Variants in USP32 observed in about 807,000 individuals in gnomAD.
USP32 encodes ubiquitin carboxyl-terminal hydrolase 32.
Under a neutral mutation model 204.8 loss-of-function variants are expected in USP32, and 59 were observed. The ratio of observed to expected loss-of-function variants is 0.29; its 90% CI spans 0.23 to 0.36. The LOEUF (loss-of-function observed/expected upper bound fraction) is 0.36. USP32 is among the 10% of genes least tolerant of loss of function. The probability of loss-of-function intolerance (pLI) is 1.00; values close to 1 mark genes in which losing one functional copy is unlikely to be tolerated. For synonymous variants in USP32, 517 were observed against 678.4 expected, an observed-to-expected ratio of 0.76 and a Z score of 3.70; for missense variants, 1,160 against 1,946.4, an observed-to-expected ratio of 0.60 and a Z score of 7.60.
At chr17:60,298,629 C>T (rs921617419) in intron 3 of USP32, among the ~76,000 whole-genome samples, 1 of 152,142 alleles carries the variant, frequency 6.6e-6, no homozygotes, top group East Asian at 1.9e-4. Context: ...ACTAGGATTA[C>T]AGGCATGCAC....
intron 2 of USP32, among the ~76,000 whole-genome samples, chr17:60,339,675 C>T (rs948135656): frequency 3.3e-5 from 5 of 151,566 alleles, no homozygotes; most frequent in African/African-American, 9.7e-5. Flanking sequence ...AGTAAGTCTT[C>T]GGAAGTAAAA....
At chr17:60,323,824 T>C (rs1598245314) in intron 2 of USP32, among the ~76,000 whole-genome samples, 2 of 152,206 alleles carry the variant, frequency 1.3e-5, no homozygotes, top group East Asian at 1.9e-4. Flanking sequence ...TGTGAAGTAT[T>C]ATATGCTTTA....
chr17:60,209,997 AAT>A (rs1369020447), intron 21 of USP32, among the ~76,000 whole-genome samples: 29 of 152,018 alleles, frequency 1.9e-4, no homozygotes, highest in African/African-American at 6.5e-4. Flanking sequence ...TGTATAAAAT[AAT>A]ATGTGTATAC....
chr17:60,195,847 C>T (rs767645771), intron 27 of USP32, among the ~76,000 whole-genome samples: 43 of 152,064 alleles, frequency 2.8e-4, no homozygotes, highest in Non-Finnish European at 5.1e-4. Context: ...AGTGAATTTC[C>T]CACTTGAATA....
At chr17:60,398,294 C>T (rs1393925699) in intron 1 of USP32, among the ~76,000 whole-genome samples, 2 of 152,048 alleles carry the variant, frequency 1.3e-5, no homozygotes, top group Non-Finnish European at 2.9e-5. Flanking sequence ...TACTCAGGAA[C>T]CTGAGGTGGG....
At chr17:60,207,994 A>G (rs946559026) in intron 24 of USP32, 65 bp downstream of exon 24, 31 of 1,509,776 alleles carry the variant, frequency 2.1e-5, no homozygotes, top group Non-Finnish European at 2.6e-5. Flanking sequence ...ATTGATCATA[A>G]TAATTGAGAA....
chr17:60,208,498 C>T (rs1273586262), intron 23 of USP32, among the ~76,000 whole-genome samples, 156 bp downstream of exon 23: 1 of 152,174 alleles, frequency 6.6e-6, no homozygotes, highest in Non-Finnish European at 1.5e-5. Flanking sequence ...CTACATCTTT[C>T]AAACCTCAAG....
At chr17:60,300,302 G>A (rs893037068) in intron 3 of USP32, among the ~76,000 whole-genome samples, 12 of 152,130 alleles carry the variant, frequency 7.9e-5, no homozygotes, top group Non-Finnish European at 1.5e-4. Context: ...AAAAGAATGA[G>A]GGGACAGAAG....
intron 2 of USP32, among the ~76,000 whole-genome samples, chr17:60,327,871 G>C (rs557431710): frequency 3.9e-4 from 59 of 152,368 alleles, no homozygotes; most frequent in Admixed American, 1.4e-3. Flanking sequence ...TGGACACTCA[G>C]GGCGGTGCTG....
At chr17:60,338,249 T>C (rs2088571236) in intron 2 of USP32, among the ~76,000 whole-genome samples, 1 of 148,982 alleles carries the variant, frequency 6.7e-6, no homozygotes, top group African/African-American at 2.5e-5. Flanking sequence ...CTCTTGAACC[T>C]GGGAACTGGA....
At chr17:60,210,451 A>G (rs1333782162) in intron 21 of USP32, among the ~76,000 whole-genome samples, 1 of 152,080 alleles carries the variant, frequency 6.6e-6, no homozygotes, top group East Asian at 1.9e-4. Flanking sequence ...AGCTGGGATT[A>G]CAAGCATGCA....
At chr17:60,199,150 A>G (rs1306759462) in intron 26 of USP32, among the ~76,000 whole-genome samples, 1 of 151,942 alleles carries the variant, frequency 6.6e-6, no homozygotes, top group East Asian at 1.9e-4. Context: ...CCAGTGGAAA[A>G]AAAAAAAAAA....
rs143128535 is a variant in USP32 at position 60,230,397 on chromosome 17, G to C, written c.1240-4166C>G. ...TATATATATCACTGGCAAGAAAACA[G>C]GATAATAAAAATATTACCAGGCATT... is the stretch of plus-strand genomic sequence containing the variant. On this transcript the variant is annotated intron_variant, in intron 12 of 33. Coordinates refer to ENST00000300896, the MANE Select transcript of USP32 (RefSeq NM_032582.4). Among the ~76,000 whole-genome samples the C allele has an allele frequency of 6.2e-3, 938 of 152,172 alleles. 12 individuals are homozygous for C. Among genetic ancestry groups the C allele is most frequent in the African/African-American group, 0.018 (742 of 41,498 alleles).
At chr17:60,210,426 C>T (rs1047764332) in intron 21 of USP32, among the ~76,000 whole-genome samples, 1 of 152,188 alleles carries the variant, frequency 6.6e-6, no homozygotes, top group East Asian at 1.9e-4. Flanking sequence ...TTTCTCGTGC[C>T]TCAGCCTCCC....
chr17:60,345,141 A>T (rs1229542724), intron 2 of USP32, among the ~76,000 whole-genome samples: 1 of 152,228 alleles, frequency 6.6e-6, no homozygotes, highest in African/African-American at 2.4e-5. Context: ...TCTTTAACAT[A>T]AAATTTATAA....
rs757320673 is a variant in USP32, at chr17:60,391,989, C to T, written c.-50G>A. 4.5e-6 allele frequency: 7 copies of T among 1,567,554 alleles called. No individual in the cohort carries two copies. The South Asian group carries it at 8.1e-5, about 18-fold the overall frequency. On this transcript the variant is annotated 5_prime_UTR_variant, in exon 1 of 34. Coordinates refer to ENST00000300896, the MANE Select transcript of USP32 (RefSeq NM_032582.4). ...GGTCGGAGCCTGATCTCGCCCCCAC[C>T]CCCCTCCCGCCTTCTCCTCGGCGTC...
intron 2 of USP32, among the ~76,000 whole-genome samples, chr17:60,322,059 G>A (rs1290168581): frequency 6.6e-6 from 1 of 152,102 alleles, no homozygotes; most frequent in Non-Finnish European, 1.5e-5. Context: ...AAAAAGTTAA[G>A]TAAAATGTGA....
intron 20 of USP32, 23 bp downstream of exon 20, chr17:60,211,353 G>T (rs1283265368): frequency 1.9e-6 from 3 of 1,606,102 alleles, no homozygotes; most frequent in Non-Finnish European, 2.5e-6. Flanking sequence ...AGGTTAAGAG[G>T]CCAGTGACTC....
At chr17:60,235,322 C>T (rs1021886767) in intron 12 of USP32, among the ~76,000 whole-genome samples, 2 of 152,160 alleles carry the variant, frequency 1.3e-5, no homozygotes, top group Non-Finnish European at 2.9e-5. Flanking sequence ...CTACAAGGTC[C>T]AGGAAGTCAT....
Sources: allele counts gnomAD v4.1 joint callset (sites outside exome capture counted in the v4.1 genomes callset), GRCh38; gene constraint gnomAD v4.1.1; transcripts MANE v1.5; gene names NCBI Gene and HGNC (gene_info 2026-07-23, HGNC 2026-07-21).